The following TSPAN18 variants were observed in gnomAD, a reference collection of about 807,000 sequenced individuals.
TSPAN18 encodes tetraspanin-18.
A neutral mutation model predicts 27.3 loss-of-function variants in TSPAN18; 14 were observed. That is an observed-to-expected ratio of 0.51 (90% confidence interval 0.34 to 0.80). TSPAN18 has a LOEUF of 0.80. Ranked by LOEUF, TSPAN18 falls within the 30% of genes least tolerant of loss-of-function variation. The probability of loss-of-function intolerance (pLI) is 0.01; values close to 1 mark genes in which losing one functional copy is unlikely to be tolerated. For missense variants in TSPAN18, 268 were observed against 323.9 expected (o/e 0.83, Z 1.32); for synonymous variants, 143 against 136.5 (o/e 1.05, Z -0.33).
chr11:44,871,853 C>T (rs1858204571), intron 3 of TSPAN18, among the ~76,000 whole-genome samples: 1 of 152,154 alleles, frequency 6.6e-6, no homozygotes, highest in African/African-American at 2.4e-5. Context: ...GGTTAAAAGC[C>T]ACTCACTATG....
intron 3 of TSPAN18, among the ~76,000 whole-genome samples, chr11:44,898,001 A>G (rs1859124539): frequency 6.6e-6 from 1 of 152,014 alleles, no homozygotes; most frequent in East Asian, 1.9e-4. Context: ...TGCTGACTCC[A>G]CTGTCTCTTT....
chr11:44,826,285 A>G (rs835831), intron 2 of TSPAN18, among the ~76,000 whole-genome samples: 143,646 of 152,258 alleles, frequency 0.94, 68,366 homozygotes, highest in South Asian at 1. Flanking sequence ...TAGGCTGGGC[A>G]TTGTGGTGCA....
At chr11:44,727,481 C>T (rs1222617337) in intron 1 of TSPAN18, among the ~76,000 whole-genome samples, 194 bp downstream of exon 1, 1 of 152,120 alleles carries the variant, frequency 6.6e-6, no homozygotes, top group Non-Finnish European at 1.5e-5. Context: ...GGGCCGGGGA[C>T]GGTCTCCACC....
At chr11:44,919,523 G>T in intron 7 of TSPAN18, 1 of 619,204 alleles carries the variant, frequency 1.6e-6, no homozygotes, top group Non-Finnish European at 2.9e-6. Context: ...CCCTGTCTTG[G>T]GTCCCCAAGC....
chr11:44,795,577 G>C (rs1273599417), intron 2 of TSPAN18, among the ~76,000 whole-genome samples: 1 of 152,106 alleles, frequency 6.6e-6, no homozygotes, highest in East Asian at 1.9e-4. Flanking sequence ...ACACAGGTGT[G>C]AGGATCAGGC....
intron 2 of TSPAN18, among the ~76,000 whole-genome samples, chr11:44,786,015 G>C (rs1856048750): frequency 6.6e-6 from 1 of 152,272 alleles, no homozygotes. Context: ...TAGGCAGGCA[G>C]AGCCTGTGAA....
At chr11:44,842,393 A>G (rs1857391687) in intron 2 of TSPAN18, among the ~76,000 whole-genome samples, 1 of 152,166 alleles carries the variant, frequency 6.6e-6, no homozygotes, top group African/African-American at 2.4e-5. Context: ...TCTGCTAGCA[A>G]TTCTGGGAAT....
At chr11:44,798,592 C>T (rs947442460) in intron 2 of TSPAN18, among the ~76,000 whole-genome samples, 2 of 152,210 alleles carry the variant, frequency 1.3e-5, no homozygotes, top group African/African-American at 4.8e-5. Flanking sequence ...GCATTGCTAG[C>T]TTCAGTCTGG....
chr11:44,928,915 G>A (rs192789436), intron 9 of TSPAN18, among the ~76,000 whole-genome samples: 7 of 152,326 alleles, frequency 4.6e-5, no homozygotes, highest in South Asian at 2.1e-4. Context: ...CCCAACACTC[G>A]TTTCTAAAGT....
At chr11:44,877,794 A>G (rs1272091998) in intron 3 of TSPAN18, among the ~76,000 whole-genome samples, 2 of 152,102 alleles carry the variant, frequency 1.3e-5, no homozygotes, top group Non-Finnish European at 2.9e-5. Context: ...GGGGCTGGGT[A>G]AGCTAGTCGT....
intron 3 of TSPAN18, among the ~76,000 whole-genome samples, chr11:44,865,479 C>G (rs11601188): frequency 0.18 from 26,896 of 152,196 alleles, 3,175 homozygotes; most frequent in Non-Finnish European, 0.27. Context: ...TTCCAGACTA[C>G]TTTGCATTTG....
intron 2 of TSPAN18, among the ~76,000 whole-genome samples, chr11:44,837,560 A>C (rs555331336): frequency 1.3e-5 from 2 of 152,358 alleles, no homozygotes; most frequent in South Asian, 4.1e-4. Context: ...TCCAATTTTG[A>C]AAGGAGTTTT....
chr11:44,872,521 G>A (rs1423166907), intron 3 of TSPAN18, among the ~76,000 whole-genome samples: 3 of 152,230 alleles, frequency 2.0e-5, no homozygotes, highest in Non-Finnish European at 4.4e-5. Context: ...AGAGCACTGA[G>A]CATTATGGGA....
chr11:44,884,843 C>G (rs545913465), intron 3 of TSPAN18, among the ~76,000 whole-genome samples: 9 of 152,334 alleles, frequency 5.9e-5, no homozygotes, highest in African/African-American at 1.9e-4. Context: ...GTTCTGTTCT[C>G]TCTCCATTCT....
chr11:44,893,337 C>T (rs1289314929), intron 3 of TSPAN18, among the ~76,000 whole-genome samples: 1 of 152,210 alleles, frequency 6.6e-6, no homozygotes, highest in Non-Finnish European at 1.5e-5. Context: ...GGCTGTGCTC[C>T]TGGTTAATCC....
intron 2 of TSPAN18, among the ~76,000 whole-genome samples, chr11:44,770,367 G>T (rs1855664152): frequency 6.6e-6 from 1 of 152,164 alleles, no homozygotes; most frequent in Non-Finnish European, 1.5e-5. Context: ...GAGACCTAAA[G>T]GCAATGAGGA....
At chr11:44,751,485 TC>T (rs1433687388) in intron 1 of TSPAN18, among the ~76,000 whole-genome samples, 1 of 152,130 alleles carries the variant, frequency 6.6e-6, no homozygotes, top group Non-Finnish European at 1.5e-5. Flanking sequence ...AATGTGACAA[TC>T]CACAGCATAC....
chr11:44,929,080 C>A, intron 9 of TSPAN18, 51 bp from the exon 10 acceptor site: 9 of 1,611,242 alleles, frequency 5.6e-6, no homozygotes, highest in Non-Finnish European at 7.6e-6. Context: ...AGGCAGCCCA[C>A]AAAGGGCCCA....
At chr11:44,747,564 CAG>C (rs1855109250) in intron 1 of TSPAN18, among the ~76,000 whole-genome samples, 1 of 152,110 alleles carries the variant, frequency 6.6e-6, no homozygotes, top group Non-Finnish European at 1.5e-5. Context: ...GAGGCAGCAT[CAG>C]GGGAAGCCAT....
Sources: allele counts gnomAD v4.1 joint callset (sites outside exome capture counted in the v4.1 genomes callset), GRCh38; gene constraint gnomAD v4.1.1; transcripts MANE v1.5; gene names NCBI Gene and HGNC (gene_info 2026-07-23, HGNC 2026-07-21).